The following MATK variants were observed in gnomAD, a reference collection of about 807,000 sequenced individuals.
MATK encodes the protein megakaryocyte-associated tyrosine kinase.
A neutral mutation model predicts 59.8 loss-of-function variants in MATK; 41 were observed. The ratio of observed to expected loss-of-function variants is 0.69; its 90% CI spans 0.53 to 0.89. The LOEUF (loss-of-function observed/expected upper bound fraction) is 0.89. Among genes scored for constraint, MATK ranks in the 40% least tolerant of loss-of-function variants. MATK has a pLI of 0.00. For missense variants in MATK, 593 were observed against 719.6 expected (o/e 0.82, Z 2.01); for synonymous variants, 308 against 306.1 (o/e 1.01, Z -0.06).
At chr19:3,785,488 G>A in intron 1 of MATK, 1 of 344,598 alleles carries the variant, frequency 2.9e-6, no homozygotes, top group South Asian at 2.9e-5. Flanking sequence ...AGGGGTGGGG[G>A]AGCCTCCCTG....
At chr19:3,800,255 C>T (rs928255188) in intron 1 of MATK, among the ~76,000 whole-genome samples, 11 of 151,960 alleles carry the variant, frequency 7.2e-5, no homozygotes, top group Non-Finnish European at 1.3e-4. Context: ...GAATCAATGT[C>T]GTTATAATAC....
In MATK at chr19:3,779,144, C is replaced by T; in HGVS notation, c.1045G>A (p.Val349Met). Reference sequence around the variant, plus strand: ...TTGCGGGCGGCCAGGTCGCGGTGCACAAGCTTCTTGCTCTCCAGGTACTCC... The same window carrying T: ...TTGCGGGCGGCCAGGTCGCGGTGCATAAGCTTCTTGCTCTCCAGGTACTCC... Reference protein sequence around the residue: ...GMEYLESKKLVHRDLAARNIL... With the variant: ...GMEYLESKKLMHRDLAARNIL... The change falls in exon 12 of 14, where the codon GTG (valine) becomes ATG (methionine). Residue 349 changes from valine to methionine, a missense_variant. Physicochemically the swap from Val to Met is conservative, Grantham distance 21 (BLOSUM62 1). Transcript: ENST00000310132. 1 of 1,607,354 alleles carries T rather than the reference C, an allele frequency of 6.2e-7. No individual in the cohort carries two copies. The highest frequency in any genetic ancestry group is 8.5e-7 in the Non-Finnish European group (1 of 1,177,560).
At chr19:3,792,823 A>G (rs887190152) in intron 1 of MATK, among the ~76,000 whole-genome samples, 1 of 152,032 alleles carries the variant, frequency 6.6e-6, no homozygotes, top group African/African-American at 2.4e-5. Context: ...CAGCCTCACA[A>G]TTGAACTTTC....
intron 3 of MATK, 107 bp from the exon 4 acceptor site, chr19:3,784,558 GA>G: frequency 1.3e-6 from 1 of 760,286 alleles, no homozygotes; most frequent in South Asian, 1.7e-5. Flanking sequence ...ATAGAGATTG[GA>G]AAAGAGCGGA....
intron 1 of MATK, among the ~76,000 whole-genome samples, chr19:3,792,247 G>T (rs4807510): frequency 0.87 from 132,539 of 152,174 alleles, 57,762 homozygotes; most frequent in Non-Finnish European, 0.9. Context: ...CTCTAAGGCA[G>T]GGCACGATTC....
At chr19:3,784,268 TG>T in intron 4 of MATK, 29 bp from the exon 5 acceptor site, 1 of 1,597,670 alleles carries the variant, frequency 6.3e-7, no homozygotes, top group Non-Finnish European at 8.6e-7. Context: ...GGGGTTAGTG[TG>T]GGGGGTGTGG....
chr19:3,778,146 C>T lies in MATK; in HGVS notation c.*37G>A, dbSNP rs1014608108. On this transcript the variant is annotated 3_prime_UTR_variant, in exon 14 of 14. Transcript: ENST00000310132. ...GCCCCCACGCCGCACTCTCCACTCT[C>T]TCGGTCCTCTGGGGCCAAGGGCCCC... 2.3e-5 allele frequency: 35 copies of T among 1,529,726 alleles called. No individual in the cohort carries two copies. The highest frequency in any genetic ancestry group is 3.1e-5 in the Non-Finnish European group (35 of 1,144,052). The allele number at this position is 1,529,726 out of a possible 1,614,324, so 94.8% of individuals were successfully genotyped here.
rs2037462847 is a variant in MATK at position 3,785,128 on chromosome 19, C to A, written c.8G>T (p.Gly3Val). 6.2e-7 allele frequency: 1 copy of A among 1,613,990 alleles called. No homozygotes were observed. The highest frequency in any genetic ancestry group is 2.2e-5 in the East Asian group (1 of 44,876). The change falls in exon 2 of 14, where the codon GGG (glycine) becomes GTG (valine). Residue 3 changes from glycine to valine, a missense_variant. Transcript: ENST00000310132. MA[G>V]RGSLVSWRAF... ...CCGCCAGGAAACCAGAGAGCCTCGC[C>A]CCGCCATCGCCCCCAGAGGGAAACT...
Position 3,784,892 on chromosome 19 carries a change from G to A in MATK, c.73-8C>T, listed in dbSNP as rs191649160. ...GAGGAAGCGGGGGCTCACCTGGGGA[G>A]GGGACAGAGTCCAGGTGGGAGCTGG... On this transcript the variant is annotated splice_region_variant and splice_polypyrimidine_tract_variant and intron_variant, in intron 2 of 13. Coordinates refer to ENST00000310132, the MANE Select transcript of MATK (RefSeq NM_139355.3). 3.6e-5 allele frequency: 55 copies of A among 1,515,102 alleles called. 1 individual carries two copies. In the East Asian group the frequency reaches 6.8e-4, roughly 19 times the overall value. 93.9% of individuals were successfully genotyped at this position (1,515,102 alleles called of 1,614,324 possible). A position where few individuals can be genotyped will look rare whatever the true frequency, so the allele number is the denominator to read the frequency against.
At chr19:3,786,490 T>C (rs1258730597), upstream of MATK, 4 of 733,796 alleles carry the variant, frequency 5.5e-6, no homozygotes, top group Non-Finnish European at 6.6e-6. The surrounding 1 kb of genome is among the most constrained non-coding windows in gnomAD (Gnocchi z 4.1). Context: ...GCACGCGGGC[T>C]CCACGCCTGG....
intron 8 of MATK, among the ~76,000 whole-genome samples, chr19:3,780,231 G>A (rs2037380535): frequency 6.6e-6 from 1 of 152,040 alleles, no homozygotes; most frequent in African/African-American, 2.4e-5. Flanking sequence ...AGTGAGCCAA[G>A]ATTGTGCCAT....
At chr19:3,795,476 C>T (rs1334709288) in intron 1 of MATK, among the ~76,000 whole-genome samples, 2 of 151,946 alleles carry the variant, frequency 1.3e-5, no homozygotes, top group Non-Finnish European at 2.9e-5. Flanking sequence ...TCATGTTGGC[C>T]AGGCTGGTCT....
upstream of MATK, chr19:3,789,178 A>T: frequency 1.5e-6 from 1 of 659,500 alleles, no homozygotes; most frequent in Non-Finnish European, 2.9e-6. Flanking sequence ...CTGCGGGCCC[A>T]CCATATATGG....
At chr19:3,800,507 G>A (rs528269355) in intron 1 of MATK, among the ~76,000 whole-genome samples, 2 of 152,144 alleles carry the variant, frequency 1.3e-5, no homozygotes, top group Admixed American at 6.5e-5. Context: ...TTAGCTGGGC[G>A]TGGTGGCAGG....
rs1367165975 is a variant in MATK, at chr19:3,784,353, G to A, written c.231C>T (p.Ile77=). ...LAFRKGDVVT[I]LEACENKSWY... is the part of the protein sequence containing the mutation. ...CACCTCTCACCTCGCAGGCCTCCAGGATGGTGACCACGTCGCCCTTGCGGA... is the reference window on the plus strand; with the variant it reads ...CACCTCTCACCTCGCAGGCCTCCAGAATGGTGACCACGTCGCCCTTGCGGA... Residue 77 remains isoleucine, a synonymous_variant, in exon 4 of 14, where the codon ATC becomes ATT. Transcript: ENST00000310132. 6.2e-7 allele frequency: 1 copy of A among 1,607,630 alleles called. No individual in the cohort carries two copies. Among genetic ancestry groups the A allele is most frequent in the Non-Finnish European group, 8.5e-7 (1 of 1,178,152 alleles).
chr19:3,790,278 G>A (rs1455568204), upstream of MATK, among the ~76,000 whole-genome samples: 2 of 152,100 alleles, frequency 1.3e-5, no homozygotes, highest in Non-Finnish European at 2.9e-5. Context: ...TGGGTAGACT[G>A]GACACCCAGA....
At position 3,778,221 on chromosome 19, in the gene MATK, C is replaced by A. The variant is rs35351680; in HGVS notation, c.1486G>T (p.Ala496Ser). 1.9e-6 allele frequency: 3 copies of A among 1,571,562 alleles called. No homozygotes were observed. The Admixed American group carries it at 6.4e-5, about 34-fold the overall frequency. Residue 496 changes from alanine to serine, a missense_variant, in exon 14 of 14, where the codon GCC (alanine) becomes TCC (serine). Ala to Ser is a moderately conservative substitution (Grantham distance 99). Coordinates refer to ENST00000310132, the MANE Select transcript of MATK (RefSeq NM_139355.3). ...CTTCGGGGCGAGGTGGAGCCGTCGGCGTCCTGCCCTGAGACGGAGGCTGGG... is the reference window on the plus strand; with the variant it reads ...CTTCGGGGCGAGGTGGAGCCGTCGGAGTCCTGCCCTGAGACGGAGGCTGGG... ...GAPASVSGQD[A>S]DGSTSPRSQE...
chr19:3,795,453 G>A (rs2037585019), intron 1 of MATK, among the ~76,000 whole-genome samples: 1 of 151,838 alleles, frequency 6.6e-6, no homozygotes, highest in Non-Finnish European at 1.5e-5. Context: ...TTGTATTTTA[G>A]TAGAGATGGG....
upstream of MATK, among the ~76,000 whole-genome samples, chr19:3,789,113 G>A (rs1001241565): frequency 1.3e-5 from 2 of 152,110 alleles, no homozygotes; most frequent in African/African-American, 4.8e-5. Context: ...ATAGTCTGGG[G>A]TGTGGCTCCC....
Sources: allele counts gnomAD v4.1 joint callset (sites outside exome capture counted in the v4.1 genomes callset), GRCh38; gene constraint gnomAD v4.1.1; non-coding constraint Gnocchi (gnomAD v3.1); transcripts MANE v1.5; gene names NCBI Gene and HGNC (gene_info 2026-07-23, HGNC 2026-07-21).